CACNB2: variants seen among roughly 807,000 people sequenced by gnomAD.
The protein encoded by CACNB2 is calcium voltage-gated channel auxiliary subunit beta 2.
In CACNB2, 42 loss-of-function variants were observed where a neutral mutation model predicts 73.3. The observed-to-expected ratio is 0.57, with a 90% CI of 0.45 to 0.74. CACNB2 has a LOEUF of 0.74. Among genes scored for constraint, CACNB2 ranks in the 30% least tolerant of loss-of-function variants. CACNB2 has a pLI of 0.00. For missense variants in CACNB2, 940 were observed against 853.0 expected, an observed-to-expected ratio of 1.10 and a Z score of -1.27; for synonymous variants, 348 against 310.3, an observed-to-expected ratio of 1.12 and a Z score of -1.28.
At position 18,240,522 on chromosome 10, in the gene CACNB2, T is replaced by TC. The variant is rs543052383; in HGVS notation, c.213+89549dup. ...ATCTTTTAGCTGGGGAAAGAACAAA[T>TC]CCAACTTCTTTCTTGACATCTCCTC... On this transcript the variant is annotated intron_variant, in intron 2 of 13. Transcript: ENST00000324631. 9.5e-4 allele frequency among the ~76,000 whole-genome samples: 145 copies of TC among 152,272 alleles called. 1 individual carries two copies. Among genetic ancestry groups the TC allele is most frequent in the Middle Eastern group, 3.4e-3 (1 of 294 alleles).
intron 10 of CACNB2, among the ~76,000 whole-genome samples, chr10:18,529,819 C>A (rs1031192106): frequency 1.3e-5 from 2 of 152,140 alleles, no homozygotes; most frequent in Admixed American, 1.3e-4. Context: ...CCTTATCTAT[C>A]ACACTTAAAA....
At chr10:18,201,919 T>C (rs2034899216) in intron 2 of CACNB2, among the ~76,000 whole-genome samples, 1 of 152,232 alleles carries the variant, frequency 6.6e-6, no homozygotes, top group Admixed American at 6.5e-5. Flanking sequence ...GGAATTTCAG[T>C]GATCCCTGTT....
At chr10:18,257,561 G>C (rs1279816955) in intron 2 of CACNB2, among the ~76,000 whole-genome samples, 1 of 152,152 alleles carries the variant, frequency 6.6e-6, no homozygotes, top group African/African-American at 2.4e-5. Context: ...AACCTTCTGT[G>C]CTTTTGCATC....
chr10:18,461,764 CTTTTTTTTT>C (rs35385599), intron 3 of CACNB2, among the ~76,000 whole-genome samples: 1 of 68,020 alleles, frequency 1.5e-5, no homozygotes, highest in East Asian at 4.2e-4. Context: ...TTCGATAAAG[CTTTTTTTTT>C]TTTTTTTTTT....
At chr10:18,367,681 C>G (rs1453576598) in intron 2 of CACNB2, among the ~76,000 whole-genome samples, 1 of 152,100 alleles carries the variant, frequency 6.6e-6, no homozygotes, top group Non-Finnish European at 1.5e-5. Flanking sequence ...TATCAATACA[C>G]ATAGCAAAAC....
intron 2 of CACNB2, among the ~76,000 whole-genome samples, chr10:18,231,044 A>T (rs2036205918): frequency 6.6e-6 from 1 of 152,208 alleles, no homozygotes. Flanking sequence ...TGTTTTGTGT[A>T]TTCTAATAGC....
intron 3 of CACNB2, among the ~76,000 whole-genome samples, chr10:18,465,773 C>G (rs1475785925): frequency 2.0e-5 from 3 of 151,930 alleles, no homozygotes; most frequent in African/African-American, 7.3e-5. Context: ...CCTCTGCCTC[C>G]CAGGTTCAAG....
chr10:18,371,449 C>T (rs1301218005), intron 2 of CACNB2, among the ~76,000 whole-genome samples: 1 of 152,034 alleles, frequency 6.6e-6, no homozygotes. Flanking sequence ...TGAGTGAGAA[C>T]ATGTGGTGTT....
chr10:18,280,708 A>G (rs970959566), intron 2 of CACNB2, among the ~76,000 whole-genome samples: 1 of 152,220 alleles, frequency 6.6e-6, no homozygotes, highest in African/African-American at 2.4e-5. Context: ...TAACTTTGAC[A>G]TGCATAATCT....
intron 3 of CACNB2, among the ~76,000 whole-genome samples, chr10:18,492,282 C>G (rs935651258): frequency 2.0e-5 from 3 of 152,198 alleles, no homozygotes; most frequent in African/African-American, 7.2e-5. Context: ...GCCAGGGACA[C>G]AAACTCAAAC....
chr10:18,270,875 A>G (rs1052846470), intron 2 of CACNB2, among the ~76,000 whole-genome samples: 1 of 152,008 alleles, frequency 6.6e-6, no homozygotes, highest in African/African-American at 2.4e-5. Context: ...TCTGACAGAC[A>G]CTCAAGACGT....
At chr10:18,481,235 T>G in intron 3 of CACNB2, among the ~76,000 whole-genome samples, 2 of 44,828 alleles carry the variant, frequency 4.5e-5, no homozygotes, top group East Asian at 7.5e-4. Context: ...TATATATTTT[T>G]TTTTTTTTTT....
intron 2 of CACNB2, among the ~76,000 whole-genome samples, chr10:18,180,770 T>C (rs1441370088): frequency 2.0e-5 from 3 of 152,002 alleles, no homozygotes; most frequent in Admixed American, 2.0e-4. Flanking sequence ...ATCGAGACCA[T>C]CCTGGCTAAC....
intron 2 of CACNB2, among the ~76,000 whole-genome samples, chr10:18,313,574 A>AT (rs1389899388): frequency 3.3e-5 from 5 of 152,162 alleles, no homozygotes; most frequent in African/African-American, 1.2e-4. Context: ...TAAAAGTGGC[A>AT]TGGAATATCT....
intron 2 of CACNB2, among the ~76,000 whole-genome samples, chr10:18,313,741 C>G (rs1381996653): frequency 1.3e-5 from 2 of 152,214 alleles, no homozygotes; most frequent in Non-Finnish European, 2.9e-5. Context: ...TCTTGTGAGC[C>G]TGACTTGCTT....
At chr10:18,261,416 G>T in intron 2 of CACNB2, 1 of 1,499,114 alleles carries the variant, frequency 6.7e-7, no homozygotes, top group Non-Finnish European at 9.1e-7. Context: ...TATTCCCTGT[G>T]CTGAACCAAC....
chr10:18,523,309 A>G (rs958070588), intron 9 of CACNB2, among the ~76,000 whole-genome samples: 3 of 152,188 alleles, frequency 2.0e-5, no homozygotes, highest in African/African-American at 7.2e-5. Flanking sequence ...AAAGATGGGG[A>G]AATGGGATGG....
At chr10:18,310,579 T>C (rs1268831596) in intron 2 of CACNB2, among the ~76,000 whole-genome samples, 1 of 106,932 alleles carries the variant, frequency 9.4e-6, no homozygotes, top group African/African-American at 3.8e-5. Context: ...CACTCCAGCC[T>C]GGGCAATAAT....
chr10:18,258,413 G>C (rs189389616), intron 2 of CACNB2, among the ~76,000 whole-genome samples: 1 of 152,188 alleles, frequency 6.6e-6, no homozygotes, highest in African/African-American at 2.4e-5. Flanking sequence ...TGTGGTGATA[G>C]AGGTGATGAA....
Sources: allele counts gnomAD v4.1 joint callset (sites outside exome capture counted in the v4.1 genomes callset), GRCh38; gene constraint gnomAD v4.1.1; transcripts MANE v1.5; gene names NCBI Gene and HGNC (gene_info 2026-07-23, HGNC 2026-07-21).